The following PKHD1 variants were observed in gnomAD, a reference collection of about 807,000 sequenced individuals.
PKHD1 encodes PKHD1 ciliary IPT domain containing fibrocystin/polyductin, also known as fibrocystin.
A neutral mutation model predicts 412.0 loss-of-function variants in PKHD1; 291 were observed. The ratio of observed to expected loss-of-function variants is 0.71; its 90% CI spans 0.64 to 0.78. The LOEUF is 0.78. PKHD1 is among the 30% of genes least tolerant of loss of function. PKHD1 has a pLI of 0.00. For missense variants in PKHD1, 4,825 were observed against 4,950.7 expected (o/e 0.97, Z 0.76); for synonymous variants, 1,777 against 1,821.5 (o/e 0.98, Z 0.62).
intron 63 of PKHD1, among the ~76,000 whole-genome samples, chr6:51,642,946 T>TTGGAGTA (rs2150345331): frequency 6.6e-6 from 1 of 152,206 alleles, no homozygotes; most frequent in South Asian, 2.1e-4. Context: ...TGGGTATGGT[T>TTGGAGTA]TGGAGTATGG....
chr6:52,061,196 G>C (rs1362532046), intron 14 of PKHD1, among the ~76,000 whole-genome samples: 1 of 152,066 alleles, frequency 6.6e-6, no homozygotes, highest in Non-Finnish European at 1.5e-5. Context: ...TTGTTTATTT[G>C]TTTCTTTGTT....
At chr6:51,635,786 G>T (rs1214793137) in intron 64 of PKHD1, among the ~76,000 whole-genome samples, 2 of 143,382 alleles carry the variant, frequency 1.4e-5, no homozygotes, top group Non-Finnish European at 3.0e-5. Context: ...CTTTCTGGGG[G>T]GAGAATATTC....
intron 28 of PKHD1, among the ~76,000 whole-genome samples, chr6:52,033,711 T>C (rs1372009473): frequency 1.3e-5 from 2 of 151,898 alleles, no homozygotes; most frequent in East Asian, 1.9e-4. Flanking sequence ...TAGGATAAAA[T>C]CTGTAGAATA....
At chr6:51,896,579 A>G (rs1780061638) in intron 43 of PKHD1, among the ~76,000 whole-genome samples, 1 of 151,630 alleles carries the variant, frequency 6.6e-6, no homozygotes, top group African/African-American at 2.4e-5. Context: ...CAGAACAGAA[A>G]AACTGGAAAC....
rs1163735922 is a variant in PKHD1 at position 51,747,725 on chromosome 6, A to T, written c.9829+62T>A. Reference sequence around the variant, plus strand: ...TTTGTTGATAAAATTTCAGAATGCCATTAAAAATTTTATGCATGGATGTAT... The same window carrying T: ...TTTGTTGATAAAATTTCAGAATGCCTTTAAAAATTTTATGCATGGATGTAT... On this transcript the variant is annotated intron_variant, in intron 58 of 66. Transcript: ENST00000371117. 7 of 1,430,404 alleles carry T rather than the reference A, an allele frequency of 4.9e-6. No individual in the cohort carries two copies. The African/African-American group carries it at 5.6e-5, about 11-fold the overall frequency. 88.6% of individuals were successfully genotyped at this position (1,430,404 alleles called of 1,614,324 possible).
chr6:51,674,015 G>A (rs543146937), intron 60 of PKHD1, among the ~76,000 whole-genome samples: 159 of 152,308 alleles, frequency 1.0e-3, no homozygotes, highest in African/African-American at 3.6e-3. Flanking sequence ...ATGGTAGATA[G>A]AGAGTGGTAG....
At chr6:51,884,797 G>A (rs1378849765) in intron 45 of PKHD1, among the ~76,000 whole-genome samples, 1 of 152,098 alleles carries the variant, frequency 6.6e-6, no homozygotes, top group East Asian at 1.9e-4. Flanking sequence ...AGCCCCTGCA[G>A]GTATAAATCA....
chr6:51,632,777 A>G, intron 64 of PKHD1, 54 bp from the exon 65 acceptor site: 2 of 1,405,424 alleles, frequency 1.4e-6, no homozygotes, highest in Non-Finnish European at 2.0e-6. Context: ...ATGCTAATAT[A>G]ATTAAAATAT....
chr6:51,924,850 A>G lies in PKHD1; in HGVS notation c.6121+9260T>C, dbSNP rs375844965. ...GACAACTTCACCAAATCAAAAGTGT[A>G]AACAAATAATAACAATGATAATAAC... is the stretch of plus-strand genomic sequence containing the variant. On this transcript the variant is annotated intron_variant, in intron 37 of 66. Transcript: ENST00000371117. 7.1e-4 allele frequency among the ~76,000 whole-genome samples: 108 copies of G among 152,362 alleles called. 1 individual carries two copies. Among genetic ancestry groups the G allele is most frequent in the African/African-American group, 2.5e-3 (104 of 41,580 alleles).
chr6:51,857,369 A>G (rs1437153899), intron 48 of PKHD1, among the ~76,000 whole-genome samples: 1 of 152,210 alleles, frequency 6.6e-6, no homozygotes, highest in African/African-American at 2.4e-5. Context: ...TCACAGTGAG[A>G]TGGGGCATGA....
chr6:52,054,056 G>T lies in PKHD1; in HGVS notation c.1946C>A (p.Thr649Lys). ...VKNTTCDWSL[T>K]RTSPESWQFD... ...TAGCTACCTCTCGGGGCTGGTCCTC[G>T]TGAGACTCCAGTCACAGGTGGTATT... Residue 649 changes from threonine (T) to lysine (K), a missense_variant, in exon 20 of 67, where the codon ACG (threonine) becomes AAG (lysine). Thr to Lys is a moderately conservative substitution (Grantham distance 78, BLOSUM62 -1). Transcript: ENST00000371117. The T allele has an allele frequency of 2.5e-6, 4 of 1,613,788 alleles. No individual in the cohort carries two copies. The highest frequency in any genetic ancestry group is 3.4e-6 in the Non-Finnish European group (4 of 1,179,782).
At chr6:51,836,557 C>CA in intron 50 of PKHD1, 88 bp from the exon 51 acceptor site, 1 of 962,872 alleles carries the variant, frequency 1.0e-6, no homozygotes, top group Non-Finnish European at 1.7e-6. Context: ...AGAATTTATG[C>CA]TAAATTCTAG....
At position 51,648,015 on chromosome 6, in the gene PKHD1, C is replaced by T. The variant is rs375337813; in HGVS notation, c.11398+16G>A. 15 of 1,432,758 alleles carry T rather than the reference C, an allele frequency of 1.0e-5. No individual in the cohort carries two copies. The African/African-American group carries it at 1.7e-4, about 16-fold the overall frequency. The allele number at this position is 1,432,758 out of a possible 1,614,324, so 88.8% of individuals were successfully genotyped here. A position where few individuals can be genotyped will look rare whatever the true frequency, so the allele number is the denominator to read the frequency against. ...AGTGGTAACAGATATCTGAAATTTA[C>T]AGATACTTTACCTACCTTTTAGCAC... On this transcript the variant is annotated intron_variant, in intron 63 of 66. Transcript: ENST00000371117.
chr6:51,818,339 G>C (rs1268479327), intron 52 of PKHD1, among the ~76,000 whole-genome samples: 1 of 152,172 alleles, frequency 6.6e-6, no homozygotes, highest in Non-Finnish European at 1.5e-5. Flanking sequence ...AATATATTTT[G>C]CAACGGTGTC....
At chr6:52,001,743 A>T (rs1187906850) in intron 35 of PKHD1, among the ~76,000 whole-genome samples, 6 of 152,004 alleles carry the variant, frequency 3.9e-5, no homozygotes, top group East Asian at 3.9e-4. Context: ...CTTCTTTTTT[A>T]AAAAAAGAAA....
At chr6:51,691,593 G>T (rs1159081909) in intron 60 of PKHD1, among the ~76,000 whole-genome samples, 1 of 152,138 alleles carries the variant, frequency 6.6e-6, no homozygotes, top group Admixed American at 6.5e-5. Flanking sequence ...CTTATAAGTG[G>T]AAGCTAAATG....
At chr6:51,857,599 T>C (rs141894699) in intron 48 of PKHD1, among the ~76,000 whole-genome samples, 405 of 152,308 alleles carry the variant, frequency 2.7e-3, no homozygotes, top group Non-Finnish European at 4.8e-3. Flanking sequence ...ATAGGTACTA[T>C]GAAACATAAA....
rs1010054201 is a variant in PKHD1, at chr6:51,870,531, T to A, written c.7459A>T (p.Thr2487Ser). Residue 2487 changes from threonine (T) to serine (S), a missense_variant, in exon 47 of 67, where the codon ACC (threonine) becomes TCC (serine). Thr to Ser is a moderately conservative substitution (Grantham distance 58). Transcript: ENST00000371117. ...FDLINCVAIR[T>S]CSDCSQGQGG... ...TGTCCTTGGGAACAGTCTGAACAGG[T>A]TCTAATGGCCACACAGTTGATGAGA... The A allele has an allele frequency of 6.2e-7, 1 of 1,612,456 alleles. No individual in the cohort carries two copies. The highest frequency in any genetic ancestry group is 1.7e-5 in the Admixed American group (1 of 59,972).
At chr6:52,073,434 GT>G in intron 7 of PKHD1, 28 bp downstream of exon 7, 1 of 1,431,726 alleles carries the variant, frequency 7.0e-7, no homozygotes, top group Non-Finnish European at 9.9e-7. Context: ...TATGTAACTA[GT>G]TAAACACAAA....
Sources: gnomAD v4.1 joint callset for allele counts (sites outside exome capture counted in the v4.1 genomes callset) on GRCh38, gnomAD v4.1.1 for gene constraint, MANE v1.5 for transcripts, NCBI Gene and HGNC (gene_info 2026-07-23, HGNC 2026-07-21) for gene names.